The following CACNG2 variants were observed in gnomAD, a reference collection of about 807,000 sequenced individuals.
CACNG2 encodes voltage-dependent calcium channel gamma-2 subunit.
Under a neutral mutation model 25.9 loss-of-function variants are expected in CACNG2, and 3 were observed. The observed-to-expected ratio is 0.12, with a 90% CI of 0.05 to 0.30. CACNG2 has a LOEUF of 0.30. CACNG2 is among the 10% of genes least tolerant of loss of function. CACNG2 has a pLI of 1.00. For synonymous variants in CACNG2, 167 were observed against 173.3 expected (o/e 0.96, Z 0.29); for missense variants, 341 against 432.5 (o/e 0.79, Z 1.88).
rs71193254 is a variant in CACNG2 at position 36,661,966 on chromosome 22, C to CTTTT, written c.211+40396_211+40399dup. Among the ~76,000 whole-genome samples, 324 of 44,614 alleles carry CTTTT rather than the reference C, an allele frequency of 7.3e-3. 47 individuals carry two copies. The highest frequency in any genetic ancestry group is 0.017 in the East Asian group (12 of 724). The allele number at this position is 44,614 out of a possible 152,430, so 29.3% of individuals were successfully genotyped here. A position where few individuals can be genotyped will look rare whatever the true frequency, so the allele number is the denominator to read the frequency against. On this transcript the variant is annotated intron_variant, in intron 1 of 3. Transcript: ENST00000300105. ...TGCTTCCTATGGACTCATTGCTATTCTTTTTTTTTTTTTTTTTTTTTTTTT... is the reference window on the plus strand; with the variant it reads ...TGCTTCCTATGGACTCATTGCTATTCTTTTTTTTTTTTTTTTTTTTTTTTTTTTT...
chr22:36,642,255 T>C (rs897743621), intron 1 of CACNG2, among the ~76,000 whole-genome samples: 2 of 152,230 alleles, frequency 1.3e-5, no homozygotes, highest in African/African-American at 2.4e-5. Context: ...TGGCACATAG[T>C]AAGCACTCAA....
chr22:36,576,119 G>T (rs917806152), intron 2 of CACNG2, among the ~76,000 whole-genome samples: 1 of 152,232 alleles, frequency 6.6e-6, no homozygotes, highest in African/African-American at 2.4e-5. Flanking sequence ...GTGCAAAATT[G>T]TGGAACCAAC....
intron 1 of CACNG2, among the ~76,000 whole-genome samples, chr22:36,594,141 C>G (rs116313340): frequency 3.9e-5 from 6 of 152,300 alleles, no homozygotes; most frequent in African/African-American, 1.4e-4. Flanking sequence ...CTCTCCATCT[C>G]TGACTTTCCT....
chr22:36,643,066 C>T (rs1161840408), intron 1 of CACNG2, among the ~76,000 whole-genome samples: 1 of 136,850 alleles, frequency 7.3e-6, no homozygotes, highest in Non-Finnish European at 1.6e-5. Flanking sequence ...CTCTCTTTAT[C>T]TTCTTTTTCC....
intron 2 of CACNG2, among the ~76,000 whole-genome samples, chr22:36,577,354 TAAAG>T (rs1048611788): frequency 5.9e-5 from 9 of 151,962 alleles, no homozygotes; most frequent in African/African-American, 2.2e-4. Flanking sequence ...AACCAGCCCT[TAAAG>T]AAATGAACCG....
intron 1 of CACNG2, 99 bp from the exon 2 acceptor site, chr22:36,587,647 A>C (rs962826376): frequency 1.1e-5 from 9 of 844,092 alleles, no homozygotes; most frequent in Non-Finnish European, 1.7e-5. Flanking sequence ...TTGGAAACTC[A>C]CTCAGCCCTC....
rs1036047085 is a variant in CACNG2 at position 36,564,882 on chromosome 22, C to T, written c.441G>A (p.Leu147=). Residue 147 remains leucine, a synonymous_variant, in exon 4 of 4, where the codon CTG becomes CTA. Transcript: ENST00000300105. This position sits in a 1 kb window ranked among gnomAD's most constrained non-coding sequence, Gnocchi z 6.7. ...SAGIFFVSAG[L]SNIIGIIVYI... is the part of the protein sequence containing the mutation. ...ACACTATGATGCCAATGATGTTACTCAGACCTGCGGGGCGCAGGGTGGCGG... is the reference window on the plus strand; with the variant it reads ...ACACTATGATGCCAATGATGTTACTTAGACCTGCGGGGCGCAGGGTGGCGG... 5 of 1,612,440 alleles carry T rather than the reference C, an allele frequency of 3.1e-6. No individual in the cohort carries two copies. In the African/African-American group the frequency reaches 6.7e-5, roughly 22 times the overall value.
intron 1 of CACNG2, among the ~76,000 whole-genome samples, chr22:36,663,700 C>A (rs893131144): frequency 6.6e-6 from 1 of 152,146 alleles, no homozygotes; most frequent in African/African-American, 2.4e-5. Flanking sequence ...CCTCAGCATC[C>A]CTGGGCGCCT....
rs555885271 is a variant in CACNG2, at chr22:36,676,911, C to G, written c.211+25455G>C. Among the ~76,000 whole-genome samples, 5 of 141,368 alleles carry G rather than the reference C, an allele frequency of 3.5e-5. No individual in the cohort carries two copies. In the South Asian group the frequency reaches 1.1e-3, roughly 32 times the overall value. The allele number at this position is 141,368 out of a possible 152,430, so 92.7% of individuals were successfully genotyped here. On this transcript the variant is annotated intron_variant, in intron 1 of 3. Coordinates refer to ENST00000300105, the MANE Select transcript of CACNG2 (RefSeq NM_006078.5). ...CTGAGCTGCCTGATGGAGCTTGCCT[C>G]TCTTTCTGCTTCTTCTAATATTGTG...
chr22:36,563,865 A>G lies in CACNG2; in HGVS notation c.*486T>C, dbSNP rs1935072344. On this transcript the variant is annotated 3_prime_UTR_variant, in exon 4 of 4. Coordinates refer to ENST00000300105, the MANE Select transcript of CACNG2 (RefSeq NM_006078.5). ...GAGTTAAAAAAAAAAAAAAAAAGTA[A>G]CATAAACCCTGAAAAATACAAAGGA... The G allele has an allele frequency of 6.7e-6, 1 of 149,956 alleles. No homozygotes were observed. Among genetic ancestry groups the G allele is most frequent in the East Asian group, 1.9e-4 (1 of 5,172 alleles). The allele number at this position is 149,956 out of a possible 1,614,324, so 9.3% of individuals were successfully genotyped here.
Position 36,689,995 on chromosome 22 carries a change from A to T in CACNG2, c.211+12371T>A. Among the ~76,000 whole-genome samples, 2 of 152,248 alleles carry T rather than the reference A, an allele frequency of 1.3e-5. 1 individual carries two copies. The highest frequency in any genetic ancestry group is 2.9e-5 in the Non-Finnish European group (2 of 68,044). ...TCTTATCAACAGGCCCTGCTCAGGA[A>T]TGTGGGATATTTATGCATTTATTTA... is the stretch of plus-strand genomic sequence containing the variant. On this transcript the variant is annotated intron_variant, in intron 1 of 3. Coordinates refer to ENST00000300105, the MANE Select transcript of CACNG2 (RefSeq NM_006078.5).
At chr22:36,636,573 G>T (rs1455883628) in intron 1 of CACNG2, among the ~76,000 whole-genome samples, 1 of 152,174 alleles carries the variant, frequency 6.6e-6, no homozygotes, top group African/African-American at 2.4e-5. Context: ...GTACATCATA[G>T]ATCTGATATT....
intron 2 of CACNG2, among the ~76,000 whole-genome samples, chr22:36,579,379 G>A (rs1362627942): frequency 3.6e-5 from 5 of 137,138 alleles, no homozygotes; most frequent in Non-Finnish European, 6.1e-5. Flanking sequence ...ACTCCAGCCT[G>A]GGCAACAAAA....
At position 36,562,892 on chromosome 22, in the gene CACNG2, C is replaced by T. The variant is rs1241402589; in HGVS notation, c.*1459G>A. 1 of 152,158 alleles carries T rather than the reference C, an allele frequency of 6.6e-6. No individual in the cohort carries two copies. The highest frequency in any genetic ancestry group is 2.4e-5 in the African/African-American group (1 of 41,430). 9.4% of individuals were successfully genotyped at this position (152,158 alleles called of 1,614,324 possible). A position where few individuals can be genotyped will look rare whatever the true frequency, so the allele number is the denominator to read the frequency against. ...CCCTCCAACCTTCAAGCCCAGCTCTCACCTCTCACAACGGTTTTGCTTTGT... is the reference window on the plus strand; with the variant it reads ...CCCTCCAACCTTCAAGCCCAGCTCTTACCTCTCACAACGGTTTTGCTTTGT... On this transcript the variant is annotated 3_prime_UTR_variant, in exon 4 of 4. Transcript: ENST00000300105.
chr22:36,690,648 G>A (rs1405384776), intron 1 of CACNG2, among the ~76,000 whole-genome samples: 2 of 152,136 alleles, frequency 1.3e-5, no homozygotes, highest in East Asian at 1.9e-4. Flanking sequence ...ATAGACTTAG[G>A]CTATATTTCT....
At chr22:36,627,777 C>T (rs969972603) in intron 1 of CACNG2, among the ~76,000 whole-genome samples, 1 of 151,972 alleles carries the variant, frequency 6.6e-6, no homozygotes, top group African/African-American at 2.4e-5. Flanking sequence ...CGTGCGCCAC[C>T]ATGCCCAGCA....
chr22:36,634,342 T>C (rs1396011617), intron 1 of CACNG2, among the ~76,000 whole-genome samples: 2 of 152,200 alleles, frequency 1.3e-5, no homozygotes, highest in Admixed American at 1.3e-4. Context: ...CCATGATTTT[T>C]CTCCTTCTAG....
At chr22:36,610,296 C>CCCTTA (rs1935919395) in intron 1 of CACNG2, among the ~76,000 whole-genome samples, 2 of 147,972 alleles carry the variant, frequency 1.4e-5, no homozygotes, top group African/African-American at 5.0e-5. Context: ...AGGAATCAGC[C>CCCTTA]GCTTAGAGCG....
chr22:36,652,064 C>A (rs1249300959), intron 1 of CACNG2, among the ~76,000 whole-genome samples: 1 of 152,114 alleles, frequency 6.6e-6, no homozygotes, highest in Non-Finnish European at 1.5e-5. Context: ...TAGGGTTTCA[C>A]CGTGTTGGCC....
Sources: gnomAD v4.1 joint callset for allele counts (sites outside exome capture counted in the v4.1 genomes callset) on GRCh38, gnomAD v4.1.1 for gene constraint, Gnocchi (gnomAD v3.1) non-coding constraint, MANE v1.5 for transcripts, NCBI Gene and HGNC (gene_info 2026-07-23, HGNC 2026-07-21) for gene names.